The following ERBB4 variants were observed in gnomAD, a reference collection of about 807,000 sequenced individuals.
ERBB4 encodes the protein receptor tyrosine-protein kinase erbB-4.
A neutral mutation model predicts 158.0 loss-of-function variants in ERBB4; 42 were observed. The observed-to-expected ratio is 0.27, with a 90% CI of 0.21 to 0.34. ERBB4 has a LOEUF of 0.34. Among genes scored for constraint, ERBB4 ranks in the 10% least tolerant of loss-of-function variants. The probability of loss-of-function intolerance (pLI) is 1.00; values close to 1 mark genes in which losing one functional copy is unlikely to be tolerated. For missense variants in ERBB4, 1,333 were observed against 1,624.1 expected (o/e 0.82, Z 3.08); for synonymous variants, 583 against 558.7 (o/e 1.04, Z -0.61).
At chr2:212,148,005 T>C (rs1326764534) in intron 1 of ERBB4, among the ~76,000 whole-genome samples, 1 of 152,226 alleles carries the variant, frequency 6.6e-6, no homozygotes, top group Non-Finnish European at 1.5e-5. Context: ...ACACTTTTTA[T>C]TGAATTACCT....
intron 3 of ERBB4, among the ~76,000 whole-genome samples, chr2:211,945,439 G>A (rs372085331): frequency 1.6e-4 from 24 of 152,010 alleles, no homozygotes; most frequent in African/African-American, 5.3e-4. Context: ...CCATTTTGTT[G>A]CACTTTCTTC....
intron 1 of ERBB4, among the ~76,000 whole-genome samples, chr2:212,288,680 A>G (rs1429883373): frequency 6.6e-6 from 1 of 152,046 alleles, no homozygotes; most frequent in Non-Finnish European, 1.5e-5. Context: ...AGTGTCTGTG[A>G]GCCTAATTTG....
intron 1 of ERBB4, among the ~76,000 whole-genome samples, chr2:212,132,045 C>G (rs2080121292): frequency 6.6e-6 from 1 of 151,906 alleles, no homozygotes; most frequent in Non-Finnish European, 1.5e-5. Flanking sequence ...CTCTTATTTC[C>G]TTATCATGAA....
intron 2 of ERBB4, among the ~76,000 whole-genome samples, chr2:212,025,695 T>C (rs907124665): frequency 6.6e-6 from 1 of 151,814 alleles, no homozygotes; most frequent in East Asian, 1.9e-4. Context: ...AGAGCTTCCC[T>C]GAGAAAAAAT....
intron 4 of ERBB4, among the ~76,000 whole-genome samples, chr2:211,781,970 A>T (rs986119425): frequency 4.5e-4 from 69 of 152,104 alleles, no homozygotes; most frequent in Non-Finnish European, 4.1e-4. Context: ...CTGACCAGCC[A>T]TGTCTCATAT....
At chr2:212,336,118 GA>G (rs889352792) in intron 1 of ERBB4, among the ~76,000 whole-genome samples, 83 of 151,754 alleles carry the variant, frequency 5.5e-4, no homozygotes, top group African/African-American at 1.9e-3. Flanking sequence ...TGTTCCACAG[GA>G]AAAAAAATTA....
chr2:212,142,621 AAT>A (rs1410030425), intron 1 of ERBB4, among the ~76,000 whole-genome samples: 4 of 147,848 alleles, frequency 2.7e-5, no homozygotes, highest in African/African-American at 7.4e-5. Context: ...ATATATATAT[AAT>A]ATATATAAAT....
At chr2:211,603,230 C>CAAAA (rs367920045) in intron 19 of ERBB4, among the ~76,000 whole-genome samples, 8,335 of 151,392 alleles carry the variant, frequency 0.055, 737 homozygotes, top group African/African-American at 0.18. Context: ...GACTCCGTCT[C>CAAAA]AATAAATAAA....
At chr2:211,767,386 T>C (rs1167732260) in intron 4 of ERBB4, among the ~76,000 whole-genome samples, 1 of 152,184 alleles carries the variant, frequency 6.6e-6, no homozygotes, top group Non-Finnish European at 1.5e-5. Flanking sequence ...AAAAAATCAA[T>C]TATGGAATGC....
chr2:211,808,844 T>A (rs866480594), intron 3 of ERBB4, among the ~76,000 whole-genome samples: 4 of 152,318 alleles, frequency 2.6e-5, no homozygotes, highest in South Asian at 2.1e-4. Flanking sequence ...GTCTTTCACA[T>A]CCCTTGTAAG....
At chr2:212,098,863 T>C (rs751944490) in intron 2 of ERBB4, among the ~76,000 whole-genome samples, 2 of 152,094 alleles carry the variant, frequency 1.3e-5, no homozygotes, top group Non-Finnish European at 2.9e-5. Context: ...CCTATATTTA[T>C]TCAGGAATGA....
intron 19 of ERBB4, among the ~76,000 whole-genome samples, chr2:211,607,582 G>C (rs2069029582): frequency 6.6e-6 from 1 of 152,048 alleles, no homozygotes; most frequent in Non-Finnish European, 1.5e-5. Context: ...CGTCTGTGAC[G>C]AACTGGTCTC....
chr2:211,872,503 C>T (rs972526556), intron 3 of ERBB4, among the ~76,000 whole-genome samples: 6 of 151,938 alleles, frequency 3.9e-5, no homozygotes, highest in African/African-American at 1.2e-4. Flanking sequence ...CTATAAAATC[C>T]CCTCAGTTTA....
At chr2:211,683,570 ATC>A (rs1457769895) in intron 12 of ERBB4, among the ~76,000 whole-genome samples, 29 of 152,074 alleles carry the variant, frequency 1.9e-4, no homozygotes, top group Admixed American at 1.9e-3. Context: ...CAATTTGTTT[ATC>A]TATTTACCCA....
intron 1 of ERBB4, among the ~76,000 whole-genome samples, chr2:212,334,946 G>A (rs549177164): frequency 9.2e-5 from 14 of 151,914 alleles, no homozygotes; most frequent in African/African-American, 2.9e-4. Flanking sequence ...CAGTTCCTAA[G>A]TAGATCACTA....
chr2:211,788,219 TCAACAAAAGTGATTTGCTCTTAA>T, intron 3 of ERBB4, 60 bp from the exon 4 acceptor site: 1 of 1,271,116 alleles, frequency 7.9e-7, no homozygotes. Context: ...GAAAAGGTAA[TCAACAAAAGTGATTTGCTCTTAA>T]CTATTTTCAA....
chr2:212,315,504 T>C (rs895586329), intron 1 of ERBB4, among the ~76,000 whole-genome samples: 3 of 151,588 alleles, frequency 2.0e-5, no homozygotes, highest in African/African-American at 4.8e-5. Context: ...TAGCAACAAA[T>C]AACTTTGATT....
At chr2:211,572,201 C>T (rs765022991) in intron 19 of ERBB4, among the ~76,000 whole-genome samples, 11 of 152,074 alleles carry the variant, frequency 7.2e-5, no homozygotes. Context: ...TACAAACATA[C>T]AAAATATCAG....
intron 1 of ERBB4, among the ~76,000 whole-genome samples, chr2:212,136,869 A>G (rs1453816481): frequency 1.3e-5 from 2 of 152,204 alleles, no homozygotes; most frequent in Non-Finnish European, 2.9e-5. Flanking sequence ...TGATTTACAT[A>G]TAAAGCCTAA....
Sources: allele counts gnomAD v4.1 joint callset (sites outside exome capture counted in the v4.1 genomes callset), GRCh38; gene constraint gnomAD v4.1.1; transcripts MANE v1.5; gene names NCBI Gene and HGNC (gene_info 2026-07-23, HGNC 2026-07-21).